CCSER1: variants seen among roughly 807,000 people sequenced by gnomAD.
The protein encoded by CCSER1 is serine-rich coiled-coil domain-containing protein 1.
CCSER1 carries 41 observed loss-of-function variants against 82.0 expected under a neutral mutation model. That is an observed-to-expected ratio of 0.50 (90% CI 0.39 to 0.65). The LOEUF (loss-of-function observed/expected upper bound fraction) is 0.65. Ranked by LOEUF, CCSER1 falls within the 30% of genes least tolerant of loss-of-function variation. The pLI is 0.00. For synonymous variants in CCSER1, 414 were observed against 383.9 expected, an observed-to-expected ratio of 1.08 and a Z score of -0.92; for missense variants, 1,119 against 1,064.2, an observed-to-expected ratio of 1.05 and a Z score of -0.72.
intron 10 of CCSER1, among the ~76,000 whole-genome samples, chr4:91,555,976 C>G (rs181423294): frequency 6.0e-5 from 9 of 151,032 alleles, no homozygotes; most frequent in African/African-American, 2.2e-4. Flanking sequence ...CTTAATTACT[C>G]CATTGTAGAT....
chr4:91,412,993 G>T (rs1222857133), intron 10 of CCSER1, among the ~76,000 whole-genome samples: 4 of 151,790 alleles, frequency 2.6e-5, no homozygotes, highest in Non-Finnish European at 5.9e-5. Context: ...GGAAAAAAAT[G>T]CATGAACAAA....
chr4:91,266,478 CCTGATGT>C (rs768382427), intron 10 of CCSER1, among the ~76,000 whole-genome samples: 17 of 152,104 alleles, frequency 1.1e-4, no homozygotes, highest in South Asian at 1.0e-3. Flanking sequence ...GTCTCGATCT[CCTGATGT>C]CGTGATCTGC....
rs143419232 is a variant in CCSER1, at chr4:90,724,056, T to C, written c.2010+65T>C. The C allele has an allele frequency of 1.2e-3, 1,154 of 979,198 alleles. 7 individuals carry two copies. The African/African-American group carries it at 0.017, about 14-fold the overall frequency. The allele number at this position is 979,198 out of a possible 1,614,324, so 60.7% of individuals were successfully genotyped here. On this transcript the variant is annotated intron_variant, in intron 7 of 10. Transcript: ENST00000509176. ...AGGATAGTTAATAAATAGTTTAAAA[T>C]AGTTTATGTGTAGATGGTGAAGTGA... is the stretch of plus-strand genomic sequence containing the variant.
intron 10 of CCSER1, among the ~76,000 whole-genome samples, chr4:91,273,952 C>T (rs1742229581): frequency 1.3e-5 from 2 of 152,090 alleles, no homozygotes. Flanking sequence ...ATGGTAATAT[C>T]TGATTATTTG....
chr4:91,095,025 C>G (rs966211117), intron 10 of CCSER1, among the ~76,000 whole-genome samples: 1 of 152,110 alleles, frequency 6.6e-6, no homozygotes, highest in African/African-American at 2.4e-5. Flanking sequence ...CGGAGACTCC[C>G]GTTGCTCCAA....
chr4:91,261,281 T>C (rs1477093172), intron 10 of CCSER1, among the ~76,000 whole-genome samples: 1 of 152,216 alleles, frequency 6.6e-6, no homozygotes, highest in Non-Finnish European at 1.5e-5. Flanking sequence ...ACTCAGTCTC[T>C]ACCCAAACAC....
At chr4:90,314,675 C>G (rs972700598) in intron 3 of CCSER1, among the ~76,000 whole-genome samples, 1 of 151,728 alleles carries the variant, frequency 6.6e-6, no homozygotes, top group Admixed American at 6.6e-5. Flanking sequence ...TCACTTGGGT[C>G]CAGGAGTTGG....
chr4:90,580,267 T>C (rs936593493), intron 5 of CCSER1, among the ~76,000 whole-genome samples: 4 of 152,140 alleles, frequency 2.6e-5, no homozygotes, highest in African/African-American at 9.7e-5. Flanking sequence ...AATGCCAGGT[T>C]CTCCTCCTTA....
At chr4:91,342,657 G>A (rs1018646716) in intron 10 of CCSER1, among the ~76,000 whole-genome samples, 4 of 151,962 alleles carry the variant, frequency 2.6e-5, no homozygotes, top group Non-Finnish European at 5.9e-5. Flanking sequence ...TTCTATCATT[G>A]CCAACATCTA....
At chr4:90,274,039 A>T (rs1727080840) in intron 1 of CCSER1, among the ~76,000 whole-genome samples, 1 of 152,212 alleles carries the variant, frequency 6.6e-6, no homozygotes. Flanking sequence ...TGCATATTTG[A>T]GTAATGCAAA....
chr4:91,332,789 A>G (rs1747047257), intron 10 of CCSER1, among the ~76,000 whole-genome samples: 1 of 151,972 alleles, frequency 6.6e-6, no homozygotes, highest in Non-Finnish European at 1.5e-5. Context: ...CTGCTGCTAA[A>G]TATCCAAGTG....
intron 5 of CCSER1, among the ~76,000 whole-genome samples, chr4:90,506,012 G>A (rs943571320): frequency 3.9e-5 from 6 of 152,044 alleles, no homozygotes; most frequent in African/African-American, 1.2e-4. Flanking sequence ...TTTGTCTTGC[G>A]ATTCTATTTG....
chr4:90,932,341 C>T (rs928925215), intron 9 of CCSER1, among the ~76,000 whole-genome samples: 3 of 152,032 alleles, frequency 2.0e-5, no homozygotes, highest in African/African-American at 7.2e-5. Flanking sequence ...TGAATTTAAA[C>T]TATCACATTA....
At chr4:91,206,509 C>T (rs1736355333) in intron 10 of CCSER1, among the ~76,000 whole-genome samples, 1 of 151,970 alleles carries the variant, frequency 6.6e-6, no homozygotes, top group African/African-American at 2.4e-5. Context: ...GTTTATTTTT[C>T]AAAAAATATG....
chr4:91,104,671 T>C (rs1234025574), intron 10 of CCSER1, among the ~76,000 whole-genome samples: 1 of 152,198 alleles, frequency 6.6e-6, no homozygotes, highest in African/African-American at 2.4e-5. Flanking sequence ...AACAGCATCA[T>C]TTTAATTTTT....
At chr4:90,915,057 C>A (rs974123635) in intron 8 of CCSER1, among the ~76,000 whole-genome samples, 3 of 152,040 alleles carry the variant, frequency 2.0e-5, no homozygotes, top group East Asian at 1.9e-4. Flanking sequence ...CTGGACCAGA[C>A]GGATTCACAG....
At chr4:91,494,287 C>T (rs1435076111) in intron 10 of CCSER1, among the ~76,000 whole-genome samples, 1 of 151,760 alleles carries the variant, frequency 6.6e-6, no homozygotes, top group Non-Finnish European at 1.5e-5. Flanking sequence ...TAGCAGTGGG[C>T]AACCCAGGAG....
chr4:91,350,137 G>C (rs1319892333), intron 10 of CCSER1, among the ~76,000 whole-genome samples: 3 of 122,698 alleles, frequency 2.4e-5, no homozygotes, highest in Non-Finnish European at 5.3e-5. Flanking sequence ...TAAATTAACA[G>C]TATTATTTTT....
chr4:90,588,489 T>C (rs143206740), intron 5 of CCSER1, among the ~76,000 whole-genome samples: 68 of 152,322 alleles, frequency 4.5e-4, no homozygotes, highest in African/African-American at 1.5e-3. Context: ...AGTTACTTCT[T>C]TAGGCTCCAC....
Sources: gnomAD v4.1 joint callset for allele counts (sites outside exome capture counted in the v4.1 genomes callset) on GRCh38, gnomAD v4.1.1 for gene constraint, MANE v1.5 for transcripts, NCBI Gene and HGNC (gene_info 2026-07-23, HGNC 2026-07-21) for gene names.